The following LOC128462377 variants were observed in gnomAD, a reference collection of about 807,000 sequenced individuals.
At chr16:89,364,877 G>C in the LOC128462377 span, among the ~76,000 whole-genome samples, 1 of 152,184 alleles carries the variant, frequency 6.6e-6, no homozygotes, top group Non-Finnish European at 1.5e-5. Flanking sequence ...AGCCTGGCAC[G>C]CAGATGGCCC....
chr16:89,377,013 C>T, the LOC128462377 span, among the ~76,000 whole-genome samples: 6 of 152,294 alleles, frequency 3.9e-5, no homozygotes, highest in Non-Finnish European at 5.9e-5. Context: ...CCCCTTTTTC[C>T]GGACTGCTTC....
the LOC128462377 span, among the ~76,000 whole-genome samples, chr16:89,409,078 G>C: frequency 2.6e-5 from 4 of 152,222 alleles, no homozygotes; most frequent in African/African-American, 9.7e-5. Context: ...GGCCAGAGCA[G>C]CCAAGGGAAG....
the LOC128462377 span, among the ~76,000 whole-genome samples, chr16:89,317,988 G>C: frequency 1.3e-5 from 2 of 152,158 alleles, no homozygotes; most frequent in Non-Finnish European, 2.9e-5. Flanking sequence ...CACAAAGCCT[G>C]CAAGAACTTT....
chr16:89,387,550 G>A, the LOC128462377 span, among the ~76,000 whole-genome samples: 1 of 151,874 alleles, frequency 6.6e-6, no homozygotes, highest in Non-Finnish European at 1.5e-5. Flanking sequence ...GCGGGCGCCT[G>A]TACTCCCAGC....
chr16:89,357,272 A>C, the LOC128462377 span, among the ~76,000 whole-genome samples: 3 of 152,182 alleles, frequency 2.0e-5, no homozygotes, highest in East Asian at 5.8e-4. Flanking sequence ...TGCTGATAAA[A>C]GTCACACCAT....
At chr16:89,365,193 A>G in the LOC128462377 span, among the ~76,000 whole-genome samples, 10 of 152,146 alleles carry the variant, frequency 6.6e-5, no homozygotes, top group South Asian at 2.1e-4. Flanking sequence ...AGTGATGACT[A>G]TCTTGTTGGC....
chr16:89,318,401 T>G, the LOC128462377 span, among the ~76,000 whole-genome samples: 1 of 152,186 alleles, frequency 6.6e-6, no homozygotes, highest in Non-Finnish European at 1.5e-5. Context: ...TTAGAAAACA[T>G]TTCATACAAA....
the LOC128462377 span, chr16:89,403,567 C>A: frequency 6.6e-6 from 1 of 152,160 alleles, no homozygotes; most frequent in Admixed American, 6.5e-5. Flanking sequence ...AAAAAGTACA[C>A]CACCAAACAG....
At chr16:89,371,764 G>A in the LOC128462377 span, among the ~76,000 whole-genome samples, 5 of 152,130 alleles carry the variant, frequency 3.3e-5, no homozygotes, top group South Asian at 6.2e-4. Flanking sequence ...TCAGGATGAC[G>A]GAGAGGAGAG....
the LOC128462377 span, among the ~76,000 whole-genome samples, chr16:89,319,004 C>T: frequency 5.3e-5 from 8 of 152,330 alleles, no homozygotes; most frequent in East Asian, 1.9e-4. Flanking sequence ...GCACCTGACT[C>T]GGAAGGCTGT....
the LOC128462377 span, among the ~76,000 whole-genome samples, chr16:89,376,147 A>C: frequency 6.6e-6 from 1 of 152,214 alleles, no homozygotes; most frequent in Non-Finnish European, 1.5e-5. Context: ...AACAGCACGG[A>C]TATATGAAAA....
the LOC128462377 span, among the ~76,000 whole-genome samples, chr16:89,415,745 T>C: frequency 6.8e-6 from 1 of 147,140 alleles, no homozygotes; most frequent in Non-Finnish European, 1.5e-5. Flanking sequence ...GGAGAAACTC[T>C]TGAATCTGGG....
At chr16:89,323,289 C>T in the LOC128462377 span, 2 of 1,288,732 alleles carry the variant, frequency 1.6e-6, no homozygotes, top group Non-Finnish European at 2.0e-6. Flanking sequence ...GTGCAAAGCC[C>T]TTGAGTGACA....
At chr16:89,354,645 G>C in the LOC128462377 span, among the ~76,000 whole-genome samples, 1 of 152,206 alleles carries the variant, frequency 6.6e-6, no homozygotes, top group African/African-American at 2.4e-5. Flanking sequence ...ACTTTGGGAG[G>C]CCGAGGCAGG....
chr16:89,336,317 C>T, the LOC128462377 span, among the ~76,000 whole-genome samples: 180 of 152,340 alleles, frequency 1.2e-3, 2 homozygotes, highest in African/African-American at 4.0e-3. Flanking sequence ...CGCCAGGGCA[C>T]GCAACTGCCC....
the LOC128462377 span, among the ~76,000 whole-genome samples, chr16:89,319,066 A>T: frequency 6.6e-6 from 1 of 152,188 alleles, no homozygotes; most frequent in Non-Finnish European, 1.5e-5. Flanking sequence ...AAGTTTAAGG[A>T]TTATCTGGAA....
chr16:89,406,785 T>C, the LOC128462377 span, among the ~76,000 whole-genome samples: 1 of 152,122 alleles, frequency 6.6e-6, no homozygotes, highest in Non-Finnish European at 1.5e-5. Flanking sequence ...GGACAAAGCC[T>C]TGTGTCCAGG....
chr16:89,332,887 T>C, the LOC128462377 span, among the ~76,000 whole-genome samples: 1 of 152,274 alleles, frequency 6.6e-6, no homozygotes, highest in East Asian at 1.9e-4. Flanking sequence ...AGGGCTGCTT[T>C]GTTTTTTAAC....
At chr16:89,337,169 G>A in the LOC128462377 span, among the ~76,000 whole-genome samples, 3 of 152,028 alleles carry the variant, frequency 2.0e-5, no homozygotes, top group East Asian at 1.9e-4. Flanking sequence ...CTGGGCAACA[G>A]AGTGAGACCC....
Sources: gnomAD v4.1 joint callset for allele counts (sites outside exome capture counted in the v4.1 genomes callset) on GRCh38, gnomAD v4.1.1 for gene constraint, MANE v1.5 for transcripts.